Variants in CHLSN observed in about 807,000 individuals in gnomAD.
The protein encoded by CHLSN is protein cholesin.
the CHLSN span, among the ~76,000 whole-genome samples, chr7:1,006,534 A>AGT: frequency 7.4e-6 from 1 of 135,268 alleles, no homozygotes; most frequent in African/African-American, 3.0e-5. Context: ...GCAGGGAAAG[A>AGT]GCACACGACG....
At chr7:1,084,552 C>T in the CHLSN span, among the ~76,000 whole-genome samples, 1 of 152,260 alleles carries the variant, frequency 6.6e-6, no homozygotes, top group East Asian at 1.9e-4. Context: ...TGAGCCAGGA[C>T]TGGGCTAATC....
At chr7:1,050,924 G>C in the CHLSN span, among the ~76,000 whole-genome samples, 63 of 152,308 alleles carry the variant, frequency 4.1e-4, no homozygotes, top group Non-Finnish European at 7.8e-4. Flanking sequence ...TGCTTAGCTG[G>C]GCCTCACCCT....
At chr7:1,008,960 C>A in the CHLSN span, among the ~76,000 whole-genome samples, 3 of 151,744 alleles carry the variant, frequency 2.0e-5, no homozygotes, top group African/African-American at 7.3e-5. Flanking sequence ...CTCATGCGAA[C>A]ACACATGCGT....
chr7:1,133,176 C>T, the CHLSN span, among the ~76,000 whole-genome samples: 1 of 152,038 alleles, frequency 6.6e-6, no homozygotes, highest in Admixed American at 6.6e-5. Context: ...CAGGAGAAGC[C>T]AGACGCCCAA....
chr7:1,136,744 G>T, the CHLSN span, among the ~76,000 whole-genome samples: 6 of 150,954 alleles, frequency 4.0e-5, no homozygotes, highest in Middle Eastern at 3.2e-3. Flanking sequence ...TTAAGAATTC[G>T]TAATCAATAC....
chr7:997,631 G>C, the CHLSN span: 2 of 1,604,388 alleles, frequency 1.2e-6, no homozygotes, highest in African/African-American at 2.7e-5. Flanking sequence ...CCCACTAGGA[G>C]AGCAGCTGCA....
chr7:1,104,680 C>G, the CHLSN span, among the ~76,000 whole-genome samples: 1 of 152,168 alleles, frequency 6.6e-6, no homozygotes, highest in African/African-American at 2.4e-5. Context: ...AGACGTGAGC[C>G]GGGTGCCTGG....
the CHLSN span, among the ~76,000 whole-genome samples, chr7:1,068,878 G>C: frequency 6.6e-6 from 1 of 152,128 alleles, no homozygotes; most frequent in East Asian, 1.9e-4. Context: ...GCCCCTGCCC[G>C]ACAACCAATA....
At chr7:981,931 G>C in the CHLSN span, among the ~76,000 whole-genome samples, 5 of 152,152 alleles carry the variant, frequency 3.3e-5, no homozygotes, top group Admixed American at 6.5e-5. Flanking sequence ...TATTTGGGAG[G>C]CTGAGGTGGG....
the CHLSN span, among the ~76,000 whole-genome samples, chr7:1,037,575 G>A: frequency 1.4e-5 from 2 of 146,670 alleles, no homozygotes; most frequent in Admixed American, 6.8e-5. Flanking sequence ...GGAGTGCAGT[G>A]GCGTGAATCT....
the CHLSN span, among the ~76,000 whole-genome samples, chr7:1,095,063 C>T: frequency 2.6e-5 from 4 of 151,352 alleles, no homozygotes; most frequent in African/African-American, 7.3e-5. Context: ...TGCAGAACAC[C>T]GTGCGTGGCT....
At chr7:1,019,908 C>T in the CHLSN span, among the ~76,000 whole-genome samples, 8 of 152,362 alleles carry the variant, frequency 5.3e-5, no homozygotes, top group African/African-American at 1.7e-4. Flanking sequence ...GCACTGACCG[C>T]GGCCCGGAGG....
the CHLSN span, chr7:1,025,404 G>A: frequency 6.6e-6 from 1 of 152,646 alleles, no homozygotes; most frequent in Non-Finnish European, 1.5e-5. Context: ...CTTGGGTTGG[G>A]TGCTGTACTG....
At chr7:1,133,124 CAT>C in the CHLSN span, among the ~76,000 whole-genome samples, 54 of 152,216 alleles carry the variant, frequency 3.5e-4, no homozygotes, top group African/African-American at 1.0e-3. Context: ...GGGATACTGA[CAT>C]GTGCCACAAG....
At chr7:1,007,555 G>A in the CHLSN span, among the ~76,000 whole-genome samples, 7 of 152,106 alleles carry the variant, frequency 4.6e-5, no homozygotes, top group Admixed American at 4.6e-4. Flanking sequence ...TGGGCTTGCG[G>A]GCACCCTTGG....
At chr7:1,124,868 C>T in the CHLSN span, among the ~76,000 whole-genome samples, 12 of 152,326 alleles carry the variant, frequency 7.9e-5, no homozygotes, top group African/African-American at 2.4e-4. Flanking sequence ...ACCCGCTGCG[C>T]GGGAGCCGCA....
chr7:1,055,650 G>C, the CHLSN span, among the ~76,000 whole-genome samples: 2 of 152,178 alleles, frequency 1.3e-5, no homozygotes, highest in East Asian at 3.9e-4. Flanking sequence ...GAATGAAGGG[G>C]TGCCGAGACA....
At chr7:1,053,360 C>G in the CHLSN span, among the ~76,000 whole-genome samples, 2 of 152,240 alleles carry the variant, frequency 1.3e-5, no homozygotes, top group Non-Finnish European at 2.9e-5. Flanking sequence ...AGGACAGGAC[C>G]CCGGCTAATG....
the CHLSN span, chr7:985,158 C>T: frequency 1.3e-6 from 2 of 1,588,928 alleles, no homozygotes; most frequent in East Asian, 2.3e-5. Flanking sequence ...GGCCCGTCTC[C>T]CTCGCAGGCC....
Sources: gnomAD v4.1 joint callset for allele counts (sites outside exome capture counted in the v4.1 genomes callset) on GRCh38, gnomAD v4.1.1 for gene constraint, MANE v1.5 for transcripts, NCBI Gene and HGNC (gene_info 2026-07-23, HGNC 2026-07-21) for gene names.